XIST: variants seen among roughly 807,000 people sequenced by gnomAD.
XIST encodes X inactive specific transcript.
exon 6 of XIST, chrX:73,826,313 C>A (rs1170913084): frequency 1.8e-6 from 1 of 558,921 alleles, no homozygotes; most frequent in Admixed American, 2.2e-5. Context: ...AAAGAAAGGA[C>A]TGAAATACAG....
intron 5 of XIST, chrX:73,828,875 A>G (rs1922320956): frequency 2.7e-6 from 1 of 367,388 alleles, no homozygotes; most frequent in African/African-American, 2.5e-5. Context: ...TACAACTGGT[A>G]AGAAGACCAT....
At position 73,845,990 on chromosome X, in the gene XIST, C is replaced by A. The variant is rs781580607; in HGVS notation, n.6734G>T. 7.4e-6 allele frequency: 4 copies of A among 537,895 alleles called. No homozygotes were observed. The African/African-American group carries it at 1.0e-4, about 14-fold the overall frequency. The allele number at this position is 537,895 out of a possible 1,213,427, so 44.3% of individuals were successfully genotyped here. A position where few individuals can be genotyped will look rare whatever the true frequency, so the allele number is the denominator to read the frequency against. ...AGATGGAATGGGCAAAGTGGTTATG[C>A]ACATTAATGTCCAAGGTGTATGCCT... On this transcript the variant is annotated non_coding_transcript_exon_variant, in exon 1 of 6. Transcript: ENST00000429829.
exon 1 of XIST, chrX:73,848,595 C>T: frequency 1.8e-6 from 1 of 557,935 alleles, no homozygotes; most frequent in East Asian, 3.2e-5. Context: ...TTCTAATGGA[C>T]AGGACTCTGG....
chrX:73,826,683 C>T (rs768438490), exon 6 of XIST: 2 of 559,107 alleles, frequency 3.6e-6, no homozygotes, highest in Non-Finnish European at 6.5e-6. Context: ...AGCTTCTATC[C>T]TTCCTGGGTT....
At position 73,822,957 on chromosome X, in the gene XIST, G is replaced by A. The variant is rs771580181; in HGVS notation, n.16944C>T. 5 of 557,020 alleles carry A rather than the reference G, an allele frequency of 9.0e-6. No individual in the cohort carries two copies. The African/African-American group carries it at 1.1e-4, about 12-fold the overall frequency. 45.9% of individuals were successfully genotyped at this position (557,020 alleles called of 1,213,427 possible). ...TGTGTTTCCACCATAAGATAAATGAGATAAAGTGCACTTTGGTTTACGTCT... is the reference window on the plus strand; with the variant it reads ...TGTGTTTCCACCATAAGATAAATGAAATAAAGTGCACTTTGGTTTACGTCT... On this transcript the variant is annotated non_coding_transcript_exon_variant, in exon 6 of 6. Transcript: ENST00000429829.
intron 2 of XIST, among the ~76,000 whole-genome samples, chrX:73,836,036 C>T (rs1364854471): frequency 9.0e-6 from 1 of 111,037 alleles, no homozygotes; most frequent in East Asian, 2.8e-4. Flanking sequence ...TAAATAGGCA[C>T]TTTGGAAGGC....
At chrX:73,827,028 T>G (rs1922271581) in exon 6 of XIST, 2 of 558,949 alleles carry the variant, frequency 3.6e-6, no homozygotes. Flanking sequence ...CTATCTATCT[T>G]GGAACATGGG....
exon 6 of XIST, chrX:73,822,325 A>G (rs1426249482): frequency 3.6e-6 from 2 of 552,672 alleles, no homozygotes; most frequent in Non-Finnish European, 6.5e-6. Context: ...GGTAGAAGAG[A>G]TACGGAGTAG....
exon 6 of XIST, chrX:73,826,114 C>T (rs776820848): frequency 3.6e-6 from 2 of 559,190 alleles, no homozygotes; most frequent in East Asian, 6.5e-5. Context: ...ATCCTGCTCA[C>T]CTAAGCTCAA....
intron 1 of XIST, chrX:73,841,368 G>A (rs1271467076): frequency 1.5e-5 from 7 of 474,882 alleles, no homozygotes; most frequent in African/African-American, 4.8e-5. Flanking sequence ...TAATAGCTAC[G>A]AAGTAGTACT....
chrX:73,850,908 G>A (rs1922920256), exon 1 of XIST: 1 of 555,164 alleles, frequency 1.8e-6, no homozygotes. Flanking sequence ...GAGGTGGAAA[G>A]GCTAAATGTC....
exon 1 of XIST, chrX:73,852,671 A>C (rs779351887): frequency 1.1e-5 from 5 of 469,377 alleles, no homozygotes. Flanking sequence ...GTGCAGAGAG[A>C]TCTTCAGTCA....
chrX:73,843,981 C>A (rs1922666507), exon 1 of XIST: 2 of 556,324 alleles, frequency 3.6e-6, no homozygotes, highest in African/African-American at 4.5e-5. Context: ...AACAGTATAC[C>A]CCACAGTAAT....
At chrX:73,843,781 T>C (rs762667602) in exon 1 of XIST, 8 of 556,610 alleles carry the variant, frequency 1.4e-5, no homozygotes, top group Middle Eastern at 3.1e-4. Context: ...AGGATCCTTA[T>C]CTAGTGCACA....
rs1462138276 is a variant in XIST at position 73,841,516 on chromosome X, C to T, written n.11208G>A. 1.4e-5 allele frequency: 8 copies of T among 558,272 alleles called. No homozygotes were observed. The South Asian group carries it at 1.6e-4, about 11-fold the overall frequency. The allele number at this position is 558,272 out of a possible 1,213,427, so 46.0% of individuals were successfully genotyped here. The stretch of plus-strand genomic sequence containing the variant: ...ATTCTTTTTCAGTTATTACAAAGAA[C>T]TGCTGTTGTGATGACTAGTTATTTG... On this transcript the variant is annotated non_coding_transcript_exon_variant, in exon 1 of 6. Coordinates refer to ENST00000429829, the Ensembl canonical transcript of XIST.
chrX:73,823,377 C>T lies in XIST; in HGVS notation n.16524G>A, dbSNP rs1272884198. The T allele has an allele frequency of 3.0e-5, 15 of 502,546 alleles. No homozygotes were observed. In the African/African-American group the frequency reaches 3.2e-4, roughly 11 times the overall value. 41.4% of individuals were successfully genotyped at this position (502,546 alleles called of 1,213,427 possible). A position where few individuals can be genotyped will look rare whatever the true frequency, so the allele number is the denominator to read the frequency against. On this transcript the variant is annotated non_coding_transcript_exon_variant, in exon 6 of 6. Coordinates refer to ENST00000429829, the Ensembl canonical transcript of XIST. ...TTCTGGGCCAGACCTATTTAATTTACGAAACATAGTACCTTGCAGAGAATA... is the reference window on the plus strand; with the variant it reads ...TTCTGGGCCAGACCTATTTAATTTATGAAACATAGTACCTTGCAGAGAATA...
At chrX:73,845,117 G>A (rs767591458) in exon 1 of XIST, 3 of 553,846 alleles carry the variant, frequency 5.4e-6, no homozygotes. Flanking sequence ...ACACATTTAT[G>A]TCCAAGGTGC....
At position 73,824,716 on chromosome X, in the gene XIST, A is replaced by G. The variant is rs1423284837; in HGVS notation, n.15185T>C. The G allele has an allele frequency of 4.1e-5, 23 of 557,150 alleles. 1 individual carries two copies. Among genetic ancestry groups the G allele is most frequent in the Non-Finnish European group, 6.8e-5 (21 of 308,924 alleles). 45.9% of individuals were successfully genotyped at this position (557,150 alleles called of 1,213,427 possible). ...AGAAAGCACATTCGCAAGCTGAATT[A>G]AGTGACTTTCGGTCTGGATCTCACA... On this transcript the variant is annotated non_coding_transcript_exon_variant, in exon 6 of 6. Coordinates refer to ENST00000429829, the Ensembl canonical transcript of XIST.
At position 73,841,211 on chromosome X, in the gene XIST, T is replaced by C. The variant is rs1603361764; in HGVS notation, n.11342+171A>G. 5 of 346,156 alleles carry C rather than the reference T, an allele frequency of 1.4e-5. No individual in the cohort carries two copies. The East Asian group carries it at 2.1e-4, about 14-fold the overall frequency. The allele number at this position is 346,156 out of a possible 1,213,427, so 28.5% of individuals were successfully genotyped here. A position where few individuals can be genotyped will look rare whatever the true frequency, so the allele number is the denominator to read the frequency against. ...CTGCTGGTTAACTCACATATGTGTA[T>C]TTATGCATGTATGTATGTATCTATT... On this transcript the variant is annotated intron_variant and non_coding_transcript_variant, in intron 1 of 5. Transcript: ENST00000429829.
Sources: allele counts gnomAD v4.1 joint callset (sites outside exome capture counted in the v4.1 genomes callset), GRCh38; gene constraint gnomAD v4.1.1; transcripts MANE v1.5; gene names NCBI Gene and HGNC (gene_info 2026-07-23, HGNC 2026-07-21).